Variants in KIF26B observed in about 807,000 individuals in gnomAD.
The protein encoded by KIF26B is kinesin family member 26B, also known as kinesin-like protein KIF26B.
A neutral mutation model predicts 151.2 loss-of-function variants in KIF26B; 63 were observed. The observed-to-expected ratio is 0.42, with a 90% confidence interval of 0.34 to 0.51. KIF26B has a LOEUF of 0.51. Among genes scored for constraint, KIF26B ranks in the 20% least tolerant of loss-of-function variants. The pLI, the probability that KIF26B is intolerant of heterozygous loss-of-function variation, is 0.07. For missense variants in KIF26B, 2,813 were observed against 2,913.6 expected (o/e 0.97, Z 0.79); for synonymous variants, 1,357 against 1,262.1 (o/e 1.08, Z -1.59).
intron 5 of KIF26B, among the ~76,000 whole-genome samples, chr1:245,543,526 G>T (rs1401315789): frequency 6.6e-6 from 1 of 152,132 alleles, no homozygotes; most frequent in Non-Finnish European, 1.5e-5. Flanking sequence ...CATAAGAGAA[G>T]GTGTGGCTTC....
intron 4 of KIF26B, among the ~76,000 whole-genome samples, chr1:245,423,685 G>A (rs1425484436): frequency 6.6e-6 from 1 of 152,068 alleles, no homozygotes; most frequent in Non-Finnish European, 1.5e-5. Context: ...ACCTTTACAC[G>A]GTGTTTTCCT....
At chr1:245,482,961 A>C (rs573214343) in intron 4 of KIF26B, among the ~76,000 whole-genome samples, 3 of 151,734 alleles carry the variant, frequency 2.0e-5, no homozygotes, top group Admixed American at 2.0e-4. Context: ...TCCGTGTTAG[A>C]ACATTGAGTC....
chr1:245,292,167 C>T (rs1485313475), intron 2 of KIF26B, among the ~76,000 whole-genome samples: 1 of 152,148 alleles, frequency 6.6e-6, no homozygotes, highest in Non-Finnish European at 1.5e-5. Flanking sequence ...GAAAGCAATC[C>T]GATGACATCG....
chr1:245,198,890 G>T (rs1252951049), intron 2 of KIF26B, among the ~76,000 whole-genome samples: 1 of 145,720 alleles, frequency 6.9e-6, no homozygotes, highest in Non-Finnish European at 1.5e-5. Context: ...TAGACCGGGG[G>T]GTCAGGAAGG....
intron 4 of KIF26B, among the ~76,000 whole-genome samples, chr1:245,424,408 A>G (rs1658573172): frequency 6.6e-6 from 1 of 152,172 alleles, no homozygotes; most frequent in African/African-American, 2.4e-5. Flanking sequence ...TTGGCCCCCC[A>G]AAGTGCTGAG....
chr1:245,517,673 T>C (rs1341641827), intron 4 of KIF26B, among the ~76,000 whole-genome samples: 1 of 152,116 alleles, frequency 6.6e-6, no homozygotes, highest in Non-Finnish European at 1.5e-5. Context: ...ATACCGGTGA[T>C]AAGCCACAAG....
intron 4 of KIF26B, among the ~76,000 whole-genome samples, chr1:245,439,955 C>G (rs1176077404): frequency 6.6e-6 from 1 of 152,208 alleles, no homozygotes; most frequent in African/African-American, 2.4e-5. Context: ...GGTGCGGTGG[C>G]TCACGCCTGT....
chr1:245,505,041 C>A (rs555847354), intron 4 of KIF26B, among the ~76,000 whole-genome samples: 1 of 151,434 alleles, frequency 6.6e-6, no homozygotes, highest in South Asian at 2.1e-4. Context: ...CGGGTTCAAG[C>A]GATTCTCCTG....
At position 245,156,675 on chromosome 1, in the gene KIF26B, C is replaced by A. The variant is rs894051398; in HGVS notation, c.457C>A (p.Pro153Thr). 1.3e-6 allele frequency: 2 copies of A among 1,497,146 alleles called. No individual in the cohort carries two copies. Among genetic ancestry groups the A allele is most frequent in the Non-Finnish European group, 1.8e-6 (2 of 1,130,756 alleles). The allele number at this position is 1,497,146 out of a possible 1,614,324, so 92.7% of individuals were successfully genotyped here. Residue 153 changes from proline to threonine, a missense_variant, in exon 2 of 15, where the codon CCG (proline) becomes ACG (threonine). Transcript: ENST00000407071. The stretch of plus-strand genomic sequence containing the variant: ...GAGGTTGCTCCTCCCGGGGCCCTTC[C>A]CGGGCAAGGTGAGCGCCGCGCGGGG... ...ALRLLLPGPF[P>T]GKDPAFSAVI...
At chr1:245,622,553 C>T (rs2043675358) in intron 9 of KIF26B, among the ~76,000 whole-genome samples, 1 of 152,346 alleles carries the variant, frequency 6.6e-6, no homozygotes, top group South Asian at 2.1e-4. Flanking sequence ...CAGACACACG[C>T]GGGTCCCACA....
chr1:245,363,147 A>G (rs1210386846), intron 2 of KIF26B, among the ~76,000 whole-genome samples: 1 of 152,208 alleles, frequency 6.6e-6, no homozygotes, highest in Non-Finnish European at 1.5e-5. Flanking sequence ...TGTCCATATC[A>G]GGAAAGCATG....
At chr1:245,494,529 A>G (rs1424798658) in intron 4 of KIF26B, among the ~76,000 whole-genome samples, 1 of 152,184 alleles carries the variant, frequency 6.6e-6, no homozygotes, top group Non-Finnish European at 1.5e-5. Flanking sequence ...CGATCACTGA[A>G]GAAAGATGGG....
chr1:245,412,489 G>A (rs757130336), intron 3 of KIF26B, among the ~76,000 whole-genome samples: 115 of 152,158 alleles, frequency 7.6e-4, no homozygotes, highest in African/African-American at 2.6e-3. Flanking sequence ...CAATAATGCC[G>A]TTTAAGATGA....
intron 2 of KIF26B, among the ~76,000 whole-genome samples, chr1:245,302,560 A>G (rs1162550244): frequency 6.6e-6 from 1 of 152,218 alleles, no homozygotes; most frequent in Non-Finnish European, 1.5e-5. Flanking sequence ...AAGGAACTTA[A>G]TAGCTTTCTC....
intron 2 of KIF26B, among the ~76,000 whole-genome samples, chr1:245,256,847 T>A (rs748599349): frequency 6.6e-6 from 1 of 152,220 alleles, no homozygotes; most frequent in Non-Finnish European, 1.5e-5. Flanking sequence ...GTATTTTGCC[T>A]CAAAATATAT....
At chr1:245,482,409 G>A (rs998400647) in intron 4 of KIF26B, among the ~76,000 whole-genome samples, 12 of 151,790 alleles carry the variant, frequency 7.9e-5, no homozygotes, top group Non-Finnish European at 1.6e-4. Flanking sequence ...TTTTAAGTAA[G>A]ACCTTCCAAT....
rs528421798 is a variant in KIF26B, at chr1:245,588,785, G to T, written c.1351-13792G>T. 2.6e-5 allele frequency among the ~76,000 whole-genome samples: 4 copies of T among 152,302 alleles called. No individual in the cohort carries two copies. In the East Asian group the frequency reaches 7.7e-4, roughly 29 times the overall value. ...GCTCAGGGCATTGTACATACTGTGT[G>T]TTCAACACATGCTGAGTGGAATTGA... On this transcript the variant is annotated intron_variant, in intron 5 of 14. Coordinates refer to ENST00000407071, the MANE Select transcript of KIF26B (RefSeq NM_018012.4).
At chr1:245,338,498 G>A (rs907900073) in intron 2 of KIF26B, among the ~76,000 whole-genome samples, 4 of 152,204 alleles carry the variant, frequency 2.6e-5, no homozygotes, top group African/African-American at 9.6e-5. Flanking sequence ...GGTTCCTCTT[G>A]AATGTTGGTT....
chr1:245,309,909 A>C (rs1180079723), intron 2 of KIF26B, among the ~76,000 whole-genome samples: 1 of 146,380 alleles, frequency 6.8e-6, no homozygotes, highest in Non-Finnish European at 1.5e-5. Context: ...TATATCTCTT[A>C]CTATATATAT....
Sources: gnomAD v4.1 joint callset for allele counts (sites outside exome capture counted in the v4.1 genomes callset) on GRCh38, gnomAD v4.1.1 for gene constraint, MANE v1.5 for transcripts, NCBI Gene and HGNC (gene_info 2026-07-23, HGNC 2026-07-21) for gene names.